ASTN2: variants seen among roughly 807,000 people sequenced by gnomAD.
The protein encoded by ASTN2 is astrotactin-2.
ASTN2 carries 54 observed loss-of-function variants against 139.8 expected under a neutral mutation model. The observed-to-expected ratio is 0.39, with a 90% CI of 0.31 to 0.48. The LOEUF is 0.48. Among genes scored for constraint, ASTN2 ranks in the 20% least tolerant of loss-of-function variants. The probability of loss-of-function intolerance (pLI) is 0.95; values close to 1 mark genes in which losing one functional copy is unlikely to be tolerated. For missense variants in ASTN2, 1,565 were observed against 1,725.1 expected (o/e 0.91, Z 1.64); for synonymous variants, 756 against 719.5 (o/e 1.05, Z -0.81).
At chr9:117,271,987 T>C (rs904812653) in intron 2 of ASTN2, among the ~76,000 whole-genome samples, 44 of 152,302 alleles carry the variant, frequency 2.9e-4, no homozygotes, top group Non-Finnish European at 5.9e-5. Context: ...CTCACAGCTA[T>C]ACTAGGCAGT....
chr9:117,309,082 A>C (rs942021588), intron 1 of ASTN2, among the ~76,000 whole-genome samples: 1 of 152,238 alleles, frequency 6.6e-6, no homozygotes. Flanking sequence ...ATTATATCAC[A>C]TTATATATTC....
chr9:117,122,635 T>C (rs962250061), intron 4 of ASTN2, among the ~76,000 whole-genome samples: 11 of 152,174 alleles, frequency 7.2e-5, no homozygotes, highest in African/African-American at 2.2e-4. Context: ...TTCGATTTAC[T>C]GGCTAGGGGC....
chr9:117,104,874 T>C (rs1829065912), intron 4 of ASTN2, among the ~76,000 whole-genome samples: 1 of 152,172 alleles, frequency 6.6e-6, no homozygotes. Flanking sequence ...TTTAACGTAA[T>C]ATGGCCATCT....
In ASTN2 at chr9:117,040,170, G is replaced by A. The variant is rs185238815; in HGVS notation, c.1277-205C>T. ...CCTTGATTTAACACTCCGCAAAATG[G>A]GCTTCTTATGATTCCTTTGGGTAAG... On this transcript the variant is annotated intron_variant, in intron 5 of 22. Coordinates refer to ENST00000313400, the MANE Select transcript of ASTN2 (RefSeq NM_001365068.1). Among the ~76,000 whole-genome samples the A allele has an allele frequency of 3.3e-5, 5 of 152,244 alleles. No homozygotes were observed. The East Asian group carries it at 7.7e-4, about 24-fold the overall frequency.
chr9:116,751,351 G>A (rs10733619), intron 13 of ASTN2, among the ~76,000 whole-genome samples: 82,677 of 151,806 alleles, frequency 0.54, 23,296 homozygotes, highest in Admixed American at 0.62. Context: ...AAGAAGTTCA[G>A]AGTTAAAGTT....
chr9:117,296,873 C>A lies in ASTN2; in HGVS notation c.443-5360G>T, dbSNP rs147298270. Among the ~76,000 whole-genome samples, 422 of 152,278 alleles carry A rather than the reference C, an allele frequency of 2.8e-3. 1 individual carries two copies. Among genetic ancestry groups the A allele is most frequent in the African/African-American group, 9.7e-3 (403 of 41,528 alleles). ...CGTGAAATATTCAACAGGCTCAAAT[C>A]CCCTCAACTGCCCCACAGAAGCTGA... is the stretch of plus-strand genomic sequence containing the variant. On this transcript the variant is annotated intron_variant, in intron 1 of 22. Coordinates refer to ENST00000313400, the MANE Select transcript of ASTN2 (RefSeq NM_001365068.1).
At chr9:116,514,556 G>A (rs1420182102) in intron 19 of ASTN2, among the ~76,000 whole-genome samples, 2 of 152,310 alleles carry the variant, frequency 1.3e-5, no homozygotes, top group African/African-American at 2.4e-5. Context: ...ATTTAAGTAT[G>A]CAGAGGTTTC....
intron 1 of ASTN2, among the ~76,000 whole-genome samples, chr9:117,349,857 A>G (rs1366275419): frequency 6.6e-6 from 1 of 152,202 alleles, no homozygotes. Flanking sequence ...TGCTTTTCAT[A>G]ACTGTTAAGA....
intron 22 of ASTN2, among the ~76,000 whole-genome samples, chr9:116,439,962 AAGTAT>A (rs1238344679): frequency 1.3e-5 from 2 of 152,212 alleles, no homozygotes; most frequent in African/African-American, 4.8e-5. Context: ...AGGTGCTGTT[AAGTAT>A]ATGCTGAATG....
chr9:116,426,211 T>C (rs1359778894), intron 22 of ASTN2, 123 bp from the exon 23 acceptor site: 2 of 1,237,416 alleles, frequency 1.6e-6, no homozygotes, highest in Non-Finnish European at 2.3e-6. Context: ...TACTCCAGAT[T>C]GGAGTGTGGT....
intron 11 of ASTN2, among the ~76,000 whole-genome samples, chr9:116,859,395 C>T (rs1467115880): frequency 6.6e-6 from 1 of 152,072 alleles, no homozygotes; most frequent in Non-Finnish European, 1.5e-5. Context: ...CACAGCAGAA[C>T]CAGAAAGCTG....
intron 4 of ASTN2, among the ~76,000 whole-genome samples, chr9:117,118,358 C>T (rs1055150298): frequency 1.3e-5 from 2 of 152,104 alleles, no homozygotes; most frequent in Non-Finnish European, 2.9e-5. Context: ...TCACTGATCC[C>T]TTTTTTTCCT....
At chr9:116,983,524 C>A in intron 7 of ASTN2, among the ~76,000 whole-genome samples, 1 of 152,196 alleles carries the variant, frequency 6.6e-6, no homozygotes, top group South Asian at 2.1e-4. Context: ...CAACAATAAA[C>A]ATAACCACAA....
intron 17 of ASTN2, among the ~76,000 whole-genome samples, chr9:116,634,991 C>T (rs1163195279): frequency 6.6e-6 from 1 of 152,102 alleles, no homozygotes; most frequent in Non-Finnish European, 1.5e-5. Flanking sequence ...CAAGAGGAAG[C>T]TACAACTAAT....
At chr9:117,088,868 C>G (rs752427659) in intron 5 of ASTN2, among the ~76,000 whole-genome samples, 22 of 152,202 alleles carry the variant, frequency 1.4e-4, no homozygotes, top group Non-Finnish European at 3.2e-4. Flanking sequence ...CTGGGAGGTT[C>G]ATGCTGGGTG....
At chr9:116,775,955 C>A (rs979531771) in intron 13 of ASTN2, among the ~76,000 whole-genome samples, 2 of 152,128 alleles carry the variant, frequency 1.3e-5, no homozygotes, top group Non-Finnish European at 2.9e-5. Flanking sequence ...TCTCATTTTT[C>A]ATGGCATAAA....
chr9:117,291,328 T>C lies in ASTN2; in HGVS notation c.628A>G (p.Met210Val). Residue 210 changes from methionine to valine, a missense_variant and splice_region_variant, in exon 2 of 23, where the codon ATG becomes GTG. By Grantham distance (21) the Met-to-Val change is conservative. Transcript: ENST00000313400. The part of the protein sequence containing the change: ...EQMHILHISV[M>V]GGLIALLLLL... ...GGTCACATCCCCCCATCACTCACCA[T>C]CACAGAAATGTGGAGGATGTGCATC... 6.3e-7 allele frequency: 1 copy of C among 1,580,252 alleles called. No homozygotes were observed.
At chr9:116,863,183 C>T (rs1403125931) in intron 11 of ASTN2, among the ~76,000 whole-genome samples, 1 of 152,172 alleles carries the variant, frequency 6.6e-6, no homozygotes, top group Non-Finnish European at 1.5e-5. Flanking sequence ...CCAGCTGAAA[C>T]TTTCTCTTCC....
intron 19 of ASTN2, among the ~76,000 whole-genome samples, chr9:116,594,007 C>T (rs1224160394): frequency 6.6e-6 from 1 of 152,180 alleles, no homozygotes; most frequent in African/African-American, 2.4e-5. Context: ...TGAATATATG[C>T]CAGGTATATC....
Sources: gnomAD v4.1 joint callset for allele counts (sites outside exome capture counted in the v4.1 genomes callset) on GRCh38, gnomAD v4.1.1 for gene constraint, MANE v1.5 for transcripts, NCBI Gene and HGNC (gene_info 2026-07-23, HGNC 2026-07-21) for gene names.